Variants in QRICH1 observed in about 807,000 individuals in gnomAD.
QRICH1 encodes transcriptional regulator QRICH1.
QRICH1 carries 16 observed loss-of-function variants against 87.1 expected under a neutral mutation model. That is an observed-to-expected ratio of 0.18 (90% CI 0.12 to 0.28). QRICH1 has a LOEUF of 0.28. QRICH1 is among the 10% of genes least tolerant of loss of function. The probability of loss-of-function intolerance (pLI) is 1.00; values close to 1 mark genes in which losing one functional copy is unlikely to be tolerated. For missense variants in QRICH1, 647 were observed against 951.7 expected (o/e 0.68, Z 4.21); for synonymous variants, 367 against 368.4 (o/e 1.00, Z 0.05).
intron 2 of QRICH1, among the ~76,000 whole-genome samples, chr3:49,068,634 C>CT (rs1181774174): frequency 6.6e-4 from 94 of 143,158 alleles, no homozygotes; most frequent in Middle Eastern, 7.1e-3. Flanking sequence ...AAATTTCTTT[C>CT]TTTTTTTTTT....
Position 49,078,550 on chromosome 3 carries a change from A to G in QRICH1, c.-21-1512T>C, listed in dbSNP as rs367995265. 1.2e-4 allele frequency among the ~76,000 whole-genome samples: 18 copies of G among 148,142 alleles called. No individual in the cohort carries two copies. In the East Asian group the frequency reaches 2.6e-3, roughly 21 times the overall value. ...GCTGGGACTACAGGCGCCCACCACC[A>G]CGCCCAGCTAATTTTTTTGTATTTT... On this transcript the variant is annotated intron_variant, in intron 1 of 9. Coordinates refer to ENST00000395443, the MANE Select transcript of QRICH1 (RefSeq NM_198880.3).
chr3:49,089,654 TAA>T lies in QRICH1; in HGVS notation c.-22+4256_-22+4257del, dbSNP rs778224948. ...TGTATTCATACAACAGAATACTACATAAAAAATGGAAATGAACAGCTGCACAC... is the reference window on the plus strand; with the variant it reads ...TGTATTCATACAACAGAATACTACATAAAATGGAAATGAACAGCTGCACAC... On this transcript the variant is annotated intron_variant, in intron 1 of 9. Coordinates refer to ENST00000395443, the MANE Select transcript of QRICH1 (RefSeq NM_198880.3). Among the ~76,000 whole-genome samples, 40 of 152,234 alleles carry T rather than the reference TAA, an allele frequency of 2.6e-4. No homozygotes were observed. In the South Asian group the frequency reaches 5.0e-3, roughly 19 times the overall value.
intron 1 of QRICH1, among the ~76,000 whole-genome samples, chr3:49,088,349 C>A (rs1423100575): frequency 6.6e-6 from 1 of 152,104 alleles, no homozygotes; most frequent in Non-Finnish European, 1.5e-5. Context: ...GGATGGAGTG[C>A]AATGGCATCA....
intron 3 of QRICH1, among the ~76,000 whole-genome samples, chr3:49,050,503 C>T (rs559756249): frequency 2.3e-4 from 35 of 151,442 alleles, no homozygotes; most frequent in African/African-American, 7.8e-4. Flanking sequence ...ATTCAAATCA[C>T]CCAAAGCCCT....
chr3:49,068,357 TGAGGTGG>T (rs1407163198), intron 2 of QRICH1, among the ~76,000 whole-genome samples: 2 of 151,700 alleles, frequency 1.3e-5, no homozygotes, highest in African/African-American at 2.4e-5. Flanking sequence ...CTCAGGAGGC[TGAGGTGG>T]GAGGATCCCT....
At chr3:49,082,322 A>G (rs2042077913) in intron 1 of QRICH1, among the ~76,000 whole-genome samples, 1 of 152,218 alleles carries the variant, frequency 6.6e-6, no homozygotes, top group African/African-American at 2.4e-5. Flanking sequence ...TACATTTCAT[A>G]CCAAAGTCCA....
intron 2 of QRICH1, among the ~76,000 whole-genome samples, chr3:49,066,097 C>T (rs1024560291): frequency 6.6e-6 from 1 of 152,062 alleles, no homozygotes; most frequent in South Asian, 2.1e-4. Flanking sequence ...CCAGCCTGGG[C>T]AATGTGGTGA....
chr3:49,072,835 A>G (rs1273664581), intron 2 of QRICH1, among the ~76,000 whole-genome samples: 3 of 152,048 alleles, frequency 2.0e-5, no homozygotes, highest in Non-Finnish European at 2.9e-5. Context: ...GGAGGCCAGG[A>G]GTTCAACACC....
In QRICH1 at chr3:49,046,468, T is replaced by C. The variant is rs1380086030; in HGVS notation, c.1628A>G (p.Tyr543Cys). The C allele has an allele frequency of 1.9e-6, 3 of 1,614,148 alleles. No homozygotes were observed. Among genetic ancestry groups the C allele is most frequent in the Non-Finnish European group, 2.5e-6 (3 of 1,180,022 alleles). The part of the protein sequence containing the change: ...REARNGEGEP[Y>C]DPDVLYYIFL... ...AATATAGTAGAGCACATCTGGGTCA[T>C]AGGGTTCACCTTCTCCATTTCGAGC... Residue 543 changes from tyrosine (Y) to cysteine (C), a missense_variant, in exon 5 of 10, where the codon TAT becomes TGT. Tyr to Cys is a radical substitution (Grantham distance 194). This residue lies in a region of QRICH1 where 187 missense variants were observed against 309.5 expected (regional missense o/e 0.60). Coordinates refer to ENST00000395443, the MANE Select transcript of QRICH1 (RefSeq NM_198880.3).
At chr3:49,069,017 G>T (rs1158516878) in intron 2 of QRICH1, among the ~76,000 whole-genome samples, 2 of 151,522 alleles carry the variant, frequency 1.3e-5, no homozygotes, top group Non-Finnish European at 2.9e-5. Context: ...GCATCCTGTA[G>T]GTTAGAAATT....
At chr3:49,090,448 G>A (rs1407756601) in intron 1 of QRICH1, among the ~76,000 whole-genome samples, 1 of 119,430 alleles carries the variant, frequency 8.4e-6, no homozygotes, top group Non-Finnish European at 1.7e-5. Flanking sequence ...AGCAGAGCGA[G>A]ACTACGTCTC....
At position 49,093,981 on chromosome 3, in the gene QRICH1, C is replaced by T; in HGVS notation, c.-91G>A. 2.5e-6 allele frequency: 1 copy of T among 402,700 alleles called. No individual in the cohort carries two copies. The highest frequency in any genetic ancestry group is 1.2e-4 in the South Asian group (1 of 8,096). The allele number at this position is 402,700 out of a possible 1,614,324, so 24.9% of individuals were successfully genotyped here. ...GCCGGCCCCGCCGCACCGCCAGGGA[C>T]CCTGGTTCTGCCGTCGTCGCTCCAA... is the stretch of plus-strand genomic sequence containing the variant. On this transcript the variant is annotated 5_prime_UTR_variant, in exon 1 of 10. Coordinates refer to ENST00000395443, the MANE Select transcript of QRICH1 (RefSeq NM_198880.3).
intron 2 of QRICH1, among the ~76,000 whole-genome samples, chr3:49,067,604 T>C (rs551684695): frequency 2.6e-5 from 4 of 151,926 alleles, no homozygotes; most frequent in Admixed American, 6.6e-5. Flanking sequence ...ATGTTATTTA[T>C]ATTACTTCCC....
At chr3:49,064,377 G>T (rs893695339) in intron 2 of QRICH1, among the ~76,000 whole-genome samples, 1 of 151,770 alleles carries the variant, frequency 6.6e-6, no homozygotes, top group African/African-American at 2.4e-5. Context: ...GAGTAGCTGG[G>T]ATTATAGGTG....
At chr3:49,078,418 G>A (rs2041994628) in intron 1 of QRICH1, among the ~76,000 whole-genome samples, 1 of 85,938 alleles carries the variant, frequency 1.2e-5, no homozygotes. Context: ...TTTTTGAGAT[G>A]GAGTCTCATT....
At chr3:49,070,202 G>A (rs1358802078) in intron 2 of QRICH1, among the ~76,000 whole-genome samples, 3 of 151,842 alleles carry the variant, frequency 2.0e-5, no homozygotes, top group African/African-American at 7.3e-5. Flanking sequence ...ATGCCCGGCT[G>A]ATTTTTGTAT....
chr3:49,094,204 G>A (rs1575394504), upstream of QRICH1: 1 of 389,454 alleles, frequency 2.6e-6, no homozygotes, highest in South Asian at 1.4e-4. Context: ...AGAGCGGATA[G>A]TGGATCCTAG....
rs780543796 is a variant in QRICH1 at position 49,075,545 on chromosome 3, C to T, written c.309+1164G>A. On this transcript the variant is annotated intron_variant, in intron 2 of 9. Transcript: ENST00000395443. ...ACTCAGGAAGCTGAGGTAGGAGAATCGCTTGAACCCAAGAGGTGCAGGTTG... is the reference window on the plus strand; with the variant it reads ...ACTCAGGAAGCTGAGGTAGGAGAATTGCTTGAACCCAAGAGGTGCAGGTTG... Among the ~76,000 whole-genome samples the T allele has an allele frequency of 5.6e-4, 85 of 152,054 alleles. 1 individual carries two copies. The highest frequency in any genetic ancestry group is 3.8e-4 in the Non-Finnish European group (26 of 68,010).
chr3:49,093,358 C>G (rs923510243), intron 1 of QRICH1: 2 of 152,212 alleles, frequency 1.3e-5, no homozygotes, highest in Non-Finnish European at 2.9e-5. Context: ...TGGTTTCTCT[C>G]CAGGCCGAGG....
Sources: gnomAD v4.1 joint callset for allele counts (sites outside exome capture counted in the v4.1 genomes callset) on GRCh38, gnomAD v4.1.1 for gene constraint, gnomAD v4.1.1 regional missense constraint, MANE v1.5 for transcripts, NCBI Gene and HGNC (gene_info 2026-07-23, HGNC 2026-07-21) for gene names.